Variants in ITGB5 observed in about 807,000 individuals in gnomAD.
The protein encoded by ITGB5 is integrin beta-5.
ITGB5 carries 38 observed loss-of-function variants against 84.8 expected under a neutral mutation model. That is an observed-to-expected ratio of 0.45 (90% CI 0.35 to 0.59). The LOEUF (loss-of-function observed/expected upper bound fraction) is 0.59, where lower values mean the gene tolerates loss of function less well. Ranked by LOEUF, ITGB5 falls within the 20% of genes least tolerant of loss-of-function variation. The probability of loss-of-function intolerance (pLI) is 0.01; values close to 1 mark genes in which losing one functional copy is unlikely to be tolerated. For missense variants in ITGB5, 905 were observed against 1,034.5 expected, an observed-to-expected ratio of 0.87 and a Z score of 1.72; for synonymous variants, 393 against 414.4, an observed-to-expected ratio of 0.95 and a Z score of 0.63.
At chr3:124,877,082 C>G (rs1934359415) in intron 1 of ITGB5, among the ~76,000 whole-genome samples, 1 of 151,624 alleles carries the variant, frequency 6.6e-6, no homozygotes, top group Non-Finnish European at 1.5e-5. Context: ...GTGATCCTCC[C>G]ACCTCAGCCT....
intron 9 of ITGB5, among the ~76,000 whole-genome samples, chr3:124,800,748 T>C (rs1005915270): frequency 6.6e-6 from 1 of 152,186 alleles, no homozygotes; most frequent in Non-Finnish European, 1.5e-5. Flanking sequence ...GGGTCCATTT[T>C]CCCTACTGGA....
intron 1 of ITGB5, among the ~76,000 whole-genome samples, chr3:124,877,431 A>G (rs537797667): frequency 4.0e-4 from 61 of 152,270 alleles, no homozygotes; most frequent in African/African-American, 1.5e-3. Context: ...TCTAGAATGA[A>G]AGTAACTTTG....
At chr3:124,772,097 G>A (rs1398874801) in intron 11 of ITGB5, among the ~76,000 whole-genome samples, 1 of 152,124 alleles carries the variant, frequency 6.6e-6, no homozygotes, top group East Asian at 1.9e-4. Flanking sequence ...CACCTCCCTC[G>A]GATACAAAAC....
chr3:124,794,736 T>G (rs925156013), intron 10 of ITGB5, among the ~76,000 whole-genome samples: 2 of 150,760 alleles, frequency 1.3e-5, no homozygotes, highest in Non-Finnish European at 2.9e-5. Context: ...GAGCTGAGAT[T>G]GTGCCACTGC....
intron 3 of ITGB5, among the ~76,000 whole-genome samples, chr3:124,850,573 T>G (rs2065138263): frequency 6.8e-6 from 1 of 146,524 alleles, no homozygotes; most frequent in Admixed American, 6.8e-5. Flanking sequence ...GGGATAGCAT[T>G]GGGAGATATA....
chr3:124,836,187 G>A (rs2064932886), intron 5 of ITGB5, among the ~76,000 whole-genome samples: 1 of 147,450 alleles, frequency 6.8e-6, no homozygotes, highest in South Asian at 2.2e-4. Context: ...TAAATTCAGT[G>A]CCTTCCTAGG....
chr3:124,779,955 C>T (rs538182115), intron 10 of ITGB5, among the ~76,000 whole-genome samples: 1 of 152,208 alleles, frequency 6.6e-6, no homozygotes, highest in African/African-American at 2.4e-5. Context: ...ACAGCCAGGA[C>T]TGACAACACC....
At position 124,807,941 on chromosome 3, in the gene ITGB5, C is replaced by CAAAAAAAAAAA. The variant is rs552552243; in HGVS notation, c.1263+1070_1263+1080dup. On this transcript the variant is annotated intron_variant, in intron 9 of 14. Transcript: ENST00000296181. The stretch of plus-strand genomic sequence containing the variant: ...TGGGCGACAGAGCGAGACTTCATCT[C>CAAAAAAAAAAA]AAAAAAAAAAAAAAAAAAAAAAAAA... Among the ~76,000 whole-genome samples the CAAAAAAAAAAA allele has an allele frequency of 7.5e-5, 2 of 26,802 alleles. 1 individual carries two copies. Among genetic ancestry groups the CAAAAAAAAAAA allele is most frequent in the Non-Finnish European group, 1.4e-4 (2 of 13,988 alleles). The allele number at this position is 26,802 out of a possible 152,430, so 17.6% of individuals were successfully genotyped here.
At chr3:124,857,018 T>C (rs2065230245) in intron 3 of ITGB5, among the ~76,000 whole-genome samples, 1 of 152,244 alleles carries the variant, frequency 6.6e-6, no homozygotes, top group Admixed American at 6.5e-5. Context: ...ATCTCAACAC[T>C]GATTCCTGGG....
chr3:124,787,204 G>A (rs1210788408), intron 10 of ITGB5, among the ~76,000 whole-genome samples: 2 of 152,174 alleles, frequency 1.3e-5, no homozygotes, highest in Admixed American at 1.3e-4. Context: ...CCTAAGTAGA[G>A]GGAGTGGGAC....
intron 14 of ITGB5, among the ~76,000 whole-genome samples, chr3:124,764,172 C>G (rs898105867): frequency 1.3e-5 from 2 of 152,200 alleles, no homozygotes; most frequent in African/African-American, 4.8e-5. Flanking sequence ...GCCCCCATGA[C>G]CTTCCTGACC....
chr3:124,851,048 T>C (rs1409124065), intron 3 of ITGB5, among the ~76,000 whole-genome samples: 2 of 152,266 alleles, frequency 1.3e-5, no homozygotes, highest in East Asian at 3.8e-4. Context: ...CTACAACTTA[T>C]TTTATCCAAA....
At chr3:124,777,020 T>C (rs1404503676) in intron 10 of ITGB5, among the ~76,000 whole-genome samples, 1 of 152,162 alleles carries the variant, frequency 6.6e-6, no homozygotes, top group Non-Finnish European at 1.5e-5. Context: ...CAGGGAAGCC[T>C]AGCTGCTTTA....
chr3:124,826,929 C>G (rs1259962467), intron 5 of ITGB5, among the ~76,000 whole-genome samples: 1 of 152,198 alleles, frequency 6.6e-6, no homozygotes, highest in African/African-American at 2.4e-5. Flanking sequence ...GCTCGTTCAT[C>G]ACCCAGGCTT....
chr3:124,859,687 G>A (rs369255832), intron 2 of ITGB5, among the ~76,000 whole-genome samples: 18 of 152,114 alleles, frequency 1.2e-4, no homozygotes, highest in African/African-American at 4.1e-4. Flanking sequence ...AAAAATGTTC[G>A]GTTTTGTTGT....
intron 10 of ITGB5, among the ~76,000 whole-genome samples, chr3:124,793,312 G>A (rs1230035754): frequency 1.3e-5 from 2 of 152,184 alleles, no homozygotes; most frequent in Non-Finnish European, 2.9e-5. Flanking sequence ...TCAGGATCCT[G>A]AAGGGGAAGG....
intron 2 of ITGB5, among the ~76,000 whole-genome samples, chr3:124,868,405 C>CA (rs1273821678): frequency 3.3e-5 from 5 of 151,940 alleles, no homozygotes; most frequent in Admixed American, 6.6e-5. Flanking sequence ...ATCCTGGTCT[C>CA]AGAGTAGGGG....
At chr3:124,814,539 C>T (rs908744280) in intron 8 of ITGB5, among the ~76,000 whole-genome samples, 1 of 151,134 alleles carries the variant, frequency 6.6e-6, no homozygotes, top group East Asian at 1.9e-4. Flanking sequence ...CACAGTGATA[C>T]AATCATAGCT....
At chr3:124,861,493 T>TACACACACACACACAC (rs1397985645) in intron 2 of ITGB5, among the ~76,000 whole-genome samples, 4 of 84,964 alleles carry the variant, frequency 4.7e-5, no homozygotes, top group South Asian at 7.0e-4. Context: ...TATATATATA[T>TACACACACACACACAC]ATACACACAC....
Sources: allele counts gnomAD v4.1 joint callset (sites outside exome capture counted in the v4.1 genomes callset), GRCh38; gene constraint gnomAD v4.1.1; transcripts MANE v1.5; gene names NCBI Gene and HGNC (gene_info 2026-07-23, HGNC 2026-07-21).